The following MRC2 variants were observed in gnomAD, a reference collection of about 807,000 sequenced individuals.
The protein encoded by MRC2 is C-type mannose receptor 2.
In MRC2, 84 loss-of-function variants were observed where a neutral mutation model predicts 206.2. The ratio of observed to expected loss-of-function variants is 0.41; its 90% CI spans 0.34 to 0.49. The LOEUF (loss-of-function observed/expected upper bound fraction) is 0.49. Among genes scored for constraint, MRC2 ranks in the 20% least tolerant of loss-of-function variants. The pLI, the probability that MRC2 is intolerant of heterozygous loss-of-function variation, is 0.31. For synonymous variants in MRC2, 798 were observed against 800.0 expected (o/e 1.00, Z 0.04); for missense variants, 1,676 against 2,001.5 (o/e 0.84, Z 3.10).
Position 62,662,668 on chromosome 17 carries a change from G to T in MRC2, c.119-1880G>T, listed in dbSNP as rs986433622. 1.3e-5 allele frequency among the ~76,000 whole-genome samples: 2 copies of T among 152,260 alleles called. 1 individual carries two copies. ...CTCATGCCTGTAATCCCAGCACTTTGGGAGACCAAGGTGGGCGGATCACCC... is the reference window on the plus strand; with the variant it reads ...CTCATGCCTGTAATCCCAGCACTTTTGGAGACCAAGGTGGGCGGATCACCC... On this transcript the variant is annotated intron_variant, in intron 1 of 29. Coordinates refer to ENST00000303375, the MANE Select transcript of MRC2 (RefSeq NM_006039.5).
rs2147479570 is a variant in MRC2 at position 62,678,428 on chromosome 17, G to A, written c.2053-76G>A. ...GGCTCCAGGCCCCTCCTCTGCCATG[G>A]TGGGAAAGGCAGTAGGTGCCCCCTG... On this transcript the variant is annotated intron_variant, in intron 12 of 29. Coordinates refer to ENST00000303375, the MANE Select transcript of MRC2 (RefSeq NM_006039.5). 10 of 1,555,628 alleles carry A rather than the reference G, an allele frequency of 6.4e-6. No homozygotes were observed. The South Asian group carries it at 1.2e-4, about 19-fold the overall frequency.
Position 62,680,743 on chromosome 17 carries a change from G to C in MRC2, c.2474-57G>C. On this transcript the variant is annotated intron_variant, in intron 16 of 29. Coordinates refer to ENST00000303375, the MANE Select transcript of MRC2 (RefSeq NM_006039.5). The surrounding 1 kb of genome is among the most constrained non-coding windows in gnomAD (Gnocchi z 4.8). ...CCGGCCCTGCCGCGCCCGCCTCCGG[G>C]GCCTGGCGTGCAGCCTCTGCCTGGC... The C allele has an allele frequency of 6.9e-7, 1 of 1,445,504 alleles. No individual in the cohort carries two copies. 89.5% of individuals were successfully genotyped at this position (1,445,504 alleles called of 1,614,324 possible). A position where few individuals can be genotyped will look rare whatever the true frequency, so the allele number is the denominator to read the frequency against.
chr17:62,664,097 C>T lies in MRC2; in HGVS notation c.119-451C>T, dbSNP rs369344175. On this transcript the variant is annotated intron_variant, in intron 1 of 29. Coordinates refer to ENST00000303375, the MANE Select transcript of MRC2 (RefSeq NM_006039.5). The surrounding 1 kb of genome is among the most constrained non-coding windows in gnomAD (Gnocchi z 4.7). ...GCCTCAGCCTCCCAAGTAGCTGGGA[C>T]TACAGGCGCCCGCCACTACGCCCGG... is the stretch of plus-strand genomic sequence containing the variant. Among the ~76,000 whole-genome samples the T allele has an allele frequency of 4.5e-4, 67 of 150,536 alleles. 1 individual carries two copies. The East Asian group carries it at 0.011, about 24-fold the overall frequency.
In MRC2 at chr17:62,692,004, T is replaced by C; in HGVS notation, c.4193-108T>C. 6.8e-7 allele frequency: 1 copy of C among 1,467,880 alleles called. No homozygotes were observed. The highest frequency in any genetic ancestry group is 9.4e-7 in the Non-Finnish European group (1 of 1,060,748). 90.9% of individuals were successfully genotyped at this position (1,467,880 alleles called of 1,614,324 possible). On this transcript the variant is annotated intron_variant, in intron 28 of 29. Coordinates refer to ENST00000303375, the MANE Select transcript of MRC2 (RefSeq NM_006039.5). The surrounding 1 kb of genome is among the most constrained non-coding windows in gnomAD (Gnocchi z 4.2). ...GGATGGGAGGGGGAACTAGAGCCTC[T>C]TTCTCCCCAGACCTCCCGGCCCAGG...
intron 9 of MRC2, 139 bp downstream of exon 9, chr17:62,674,309 T>C (rs1281728554): frequency 6.4e-6 from 4 of 622,200 alleles, no homozygotes; most frequent in Non-Finnish European, 1.1e-5. Flanking sequence ...CTCTCCAAAC[T>C]GCTCCTTTAT....
At chr17:62,654,929 G>C (rs996790694) in intron 1 of MRC2, among the ~76,000 whole-genome samples, 2 of 152,200 alleles carry the variant, frequency 1.3e-5, no homozygotes, top group Non-Finnish European at 2.9e-5. Flanking sequence ...CAGGAGGTTG[G>C]GGCCAGGAGT....
In MRC2 at chr17:62,679,981, T is replaced by C. The variant is rs1045833981; in HGVS notation, c.2298+79T>C. ...GCCTGTTTGGGGCGGGGCCTGGAGG[T>C]GGGCGGGTTTTCTTGAGGGCCGGGC... On this transcript the variant is annotated intron_variant, in intron 14 of 29. Coordinates refer to ENST00000303375, the MANE Select transcript of MRC2 (RefSeq NM_006039.5). 2.1e-5 allele frequency: 28 copies of C among 1,341,212 alleles called. No individual in the cohort carries two copies. In the African/African-American group the frequency reaches 3.8e-4, roughly 18 times the overall value. 83.1% of individuals were successfully genotyped at this position (1,341,212 alleles called of 1,614,324 possible).
chr17:62,676,255 G>T, intron 10 of MRC2, 128 bp from the exon 11 acceptor site: 1 of 1,174,094 alleles, frequency 8.5e-7, no homozygotes, highest in African/African-American at 1.5e-5. Flanking sequence ...GCTCCCAGGC[G>T]TCCCTGCTTT....
rs2089054338 is a variant in MRC2 at position 62,688,087 on chromosome 17, AG to A, written c.2947-200del. 2.0e-5 allele frequency among the ~76,000 whole-genome samples: 3 copies of A among 152,284 alleles called. 1 individual carries two copies. Among genetic ancestry groups the A allele is most frequent in the Middle Eastern group, 6.8e-3 (2 of 294 alleles). On this transcript the variant is annotated intron_variant, in intron 20 of 29. Transcript: ENST00000303375. ...TTTGAAGATCCCCTGGAGTGTGGGC[AG>A]GTGTGTGTGAATCTGCAGTGCCAAG... is the stretch of plus-strand genomic sequence containing the variant.
Position 62,690,643 on chromosome 17 carries a change from G to C in MRC2, c.3894G>C (p.Ala1298=). The part of the protein sequence containing the change: ...HKEARQRCQR[A]GGAVLSILDE... ...GACGTGGGCCTTCTTTGCATCCAGC[G>C]GGTGGGGCCGTCCTGTCTATCCTGG... The change falls in exon 27 of 30, where the codon GCG becomes GCC. Residue 1298 remains alanine, a splice_region_variant and synonymous_variant. Coordinates refer to ENST00000303375, the MANE Select transcript of MRC2 (RefSeq NM_006039.5). 1 of 1,602,794 alleles carries C rather than the reference G, an allele frequency of 6.2e-7. No individual in the cohort carries two copies. The highest frequency in any genetic ancestry group is 1.1e-5 in the South Asian group (1 of 89,022).
intron 1 of MRC2, among the ~76,000 whole-genome samples, chr17:62,640,845 C>T (rs937721693): frequency 5.9e-5 from 9 of 151,728 alleles, no homozygotes; most frequent in South Asian, 4.2e-4. Flanking sequence ...CCACCATGCC[C>T]GGCTAATTTT....
intron 1 of MRC2, among the ~76,000 whole-genome samples, chr17:62,647,843 G>A (rs1199536541): frequency 2.0e-5 from 3 of 152,288 alleles, no homozygotes; most frequent in Admixed American, 6.5e-5. Flanking sequence ...GTGAGGAGCC[G>A]TGAGGTGAGA....
rs1183362588 is a variant in MRC2 at position 62,662,143 on chromosome 17, G to A, written c.119-2405G>A. On this transcript the variant is annotated intron_variant, in intron 1 of 29. Transcript: ENST00000303375. ...CATGTGCCTGTAGTCCCAGCTACTC[G>A]GGAGGCTGAGACAGAAGAATCGCTT... 2.0e-5 allele frequency among the ~76,000 whole-genome samples: 3 copies of A among 152,058 alleles called. No individual in the cohort carries two copies. In the South Asian group the frequency reaches 6.2e-4, roughly 32 times the overall value.
Position 62,678,633 on chromosome 17 carries a change from A to C in MRC2, c.2182A>C (p.Asn728His), listed in dbSNP as rs139690070. 1.4e-4 allele frequency: 227 copies of C among 1,611,468 alleles called. No individual in the cohort carries two copies. The highest frequency in any genetic ancestry group is 1.7e-4 in the Non-Finnish European group (202 of 1,179,042). Residue 728 changes from asparagine (N) to histidine (H), a missense_variant, in exon 13 of 30, where the codon AAC (asparagine) becomes CAC (histidine). Transcript: ENST00000303375. ...GGAGCACTTTGTGGCCAACATGCTC[A>C]ACAAGATCTTCGGGTACTGAGCCGG... ...EEEHFVANML[N>H]KIFGESEPEI...
At chr17:62,668,534 T>C (rs2088786627) in intron 6 of MRC2, among the ~76,000 whole-genome samples, 1 of 152,106 alleles carries the variant, frequency 6.6e-6, no homozygotes, top group Admixed American at 6.6e-5. Flanking sequence ...AAATGCACAG[T>C]CAGGCCCGCC....
Position 62,678,492 on chromosome 17 carries a change from C to A in MRC2, c.2053-12C>A. 6.2e-7 allele frequency: 1 copy of A among 1,611,386 alleles called. No individual in the cohort carries two copies. Among genetic ancestry groups the A allele is most frequent in the South Asian group, 1.1e-5 (1 of 90,838 alleles). The stretch of plus-strand genomic sequence containing the variant: ...TGGGGACAGCTTAGACAGCTGGACT[C>A]TGCCCCTGCAGGTGTTCAGCTCAGA... On this transcript the variant is annotated splice_polypyrimidine_tract_variant and intron_variant, in intron 12 of 29. Coordinates refer to ENST00000303375, the MANE Select transcript of MRC2 (RefSeq NM_006039.5).
rs1315514396 is a variant in MRC2 at position 62,667,795 on chromosome 17, G to A, written c.1117+262G>A. 6.6e-6 allele frequency among the ~76,000 whole-genome samples: 1 copy of A among 152,222 alleles called. No homozygotes were observed. Among genetic ancestry groups the A allele is most frequent in the Non-Finnish European group, 1.5e-5 (1 of 68,034 alleles). On this transcript the variant is annotated intron_variant, in intron 6 of 29. Transcript: ENST00000303375. This position sits in a 1 kb window ranked among gnomAD's most constrained non-coding sequence, Gnocchi z 4.1. Reference sequence around the variant, plus strand: ...ACCTCGTAGAGACCACAGTCTGCTGGAGGTGACAGACATCTCAATGCAGTT... The same window carrying A: ...ACCTCGTAGAGACCACAGTCTGCTGAAGGTGACAGACATCTCAATGCAGTT...
chr17:62,663,446 A>G (rs1385410173), intron 1 of MRC2, among the ~76,000 whole-genome samples: 1 of 152,184 alleles, frequency 6.6e-6, no homozygotes, highest in Non-Finnish European at 1.5e-5. Flanking sequence ...TTTTCGTCAT[A>G]TCCCCAAAAG....
chr17:62,641,143 T>G (rs2088397558), intron 1 of MRC2, among the ~76,000 whole-genome samples: 1 of 151,244 alleles, frequency 6.6e-6, no homozygotes, highest in African/African-American at 2.4e-5. Context: ...GCCTGGCCTG[T>G]AGGTGCAATT....
Sources: gnomAD v4.1 joint callset for allele counts (sites outside exome capture counted in the v4.1 genomes callset) on GRCh38, gnomAD v4.1.1 for gene constraint, Gnocchi (gnomAD v3.1) non-coding constraint, MANE v1.5 for transcripts, NCBI Gene and HGNC (gene_info 2026-07-23, HGNC 2026-07-21) for gene names.